The following FMO4 variants were observed in gnomAD, a reference collection of about 807,000 sequenced individuals.
FMO4 encodes dimethylaniline monooxygenase [N-oxide-forming] 4.
FMO4 carries 38 observed loss-of-function variants against 43.3 expected under a neutral mutation model. The observed-to-expected ratio is 0.88, with a 90% CI of 0.68 to 1.15. FMO4 has a LOEUF of 1.15. FMO4 is among the 50% of genes most tolerant of loss of function. FMO4 has a pLI of 0.00. For synonymous variants in FMO4, 224 were observed against 232.2 expected (o/e 0.96, Z 0.32); for missense variants, 631 against 663.3 (o/e 0.95, Z 0.54).
intron 2 of FMO4, among the ~76,000 whole-genome samples, chr1:171,317,099 T>C (rs193261581): frequency 1.6e-3 from 237 of 152,340 alleles, no homozygotes; most frequent in African/African-American, 5.6e-3. Flanking sequence ...GTTCACATCT[T>C]GGTTTCAGAT....
In FMO4 at chr1:171,341,925, C is replaced by A. The variant is rs1663394652; in HGVS notation, c.*86C>A. ...ATCCCTCCTCTGCTCTCCATCATAACTGCTATTAGCCAAATTCAGGCCCAG... is the reference window on the plus strand; with the variant it reads ...ATCCCTCCTCTGCTCTCCATCATAAATGCTATTAGCCAAATTCAGGCCCAG... On this transcript the variant is annotated 3_prime_UTR_variant, in exon 10 of 10. Coordinates refer to ENST00000367749, the MANE Select transcript of FMO4 (RefSeq NM_002022.3). 2.9e-6 allele frequency: 3 copies of A among 1,045,550 alleles called. No individual in the cohort carries two copies. Among genetic ancestry groups the A allele is most frequent in the Non-Finnish European group, 4.2e-6 (3 of 722,656 alleles). 64.8% of individuals were successfully genotyped at this position (1,045,550 alleles called of 1,614,324 possible). A position where few individuals can be genotyped will look rare whatever the true frequency, so the allele number is the denominator to read the frequency against.
At chr1:171,325,306 T>G (rs1479993715) in intron 5 of FMO4, among the ~76,000 whole-genome samples, 1 of 152,188 alleles carries the variant, frequency 6.6e-6, no homozygotes, top group Non-Finnish European at 1.5e-5. Flanking sequence ...CTATTCAAAT[T>G]CAGTTGAGGG....
At chr1:171,339,204 G>T (rs192698967) in intron 9 of FMO4, among the ~76,000 whole-genome samples, 1 of 152,218 alleles carries the variant, frequency 6.6e-6, no homozygotes, top group Admixed American at 6.5e-5. Context: ...ATGCTTTCTG[G>T]TCATGTTCAT....
Position 171,341,908 on chromosome 1 carries a change from T to A in FMO4, c.*69T>A. On this transcript the variant is annotated 3_prime_UTR_variant, in exon 10 of 10. Coordinates refer to ENST00000367749, the MANE Select transcript of FMO4 (RefSeq NM_002022.3). ...CTCCAAGTATCTTGTGCATCCCTCC[T>A]CTGCTCTCCATCATAACTGCTATTA... 1 of 1,282,892 alleles carries A rather than the reference T, an allele frequency of 7.8e-7. No homozygotes were observed. 79.5% of individuals were successfully genotyped at this position (1,282,892 alleles called of 1,614,324 possible).
intron 5 of FMO4, among the ~76,000 whole-genome samples, chr1:171,330,647 C>T (rs1266898054): frequency 2.0e-5 from 3 of 152,154 alleles, no homozygotes; most frequent in Non-Finnish European, 2.9e-5. Flanking sequence ...ATCAGGAGAA[C>T]AGCATGGGAA....
intron 1 of FMO4, among the ~76,000 whole-genome samples, chr1:171,315,776 A>G (rs1310552287): frequency 6.6e-6 from 1 of 152,198 alleles, no homozygotes; most frequent in East Asian, 1.9e-4. Context: ...AGAGTCTCTA[A>G]GTCAGTCCTT....
chr1:171,323,242 C>T (rs1041686147), intron 4 of FMO4, 50 bp downstream of exon 4: 11 of 1,205,558 alleles, frequency 9.1e-6, no homozygotes, highest in African/African-American at 1.5e-5. Flanking sequence ...CTGGCCTATT[C>T]AGCAATCTAA....
rs1558040789 is a variant in FMO4 at position 171,331,781 on chromosome 1, A to G, written c.626A>G (p.Gln209Arg). 12 of 1,613,026 alleles carry G rather than the reference A, an allele frequency of 7.4e-6. No individual in the cohort carries two copies. The highest frequency in any genetic ancestry group is 1.0e-5 in the Non-Finnish European group (12 of 1,179,106). Reference protein sequence around the residue: ...IAVELSRTAAQVLLSTRTGTW... With the variant: ...IAVELSRTAARVLLSTRTGTW... ...GTGGAACTCAGTCGAACGGCAGCTC[A>G]GGTACATCATCTCTGAATTAATGCC... The change falls in exon 6 of 10, where the codon CAG (glutamine) becomes CGG (arginine). Residue 209 changes from glutamine (Q) to arginine (R), a missense_variant and splice_region_variant. Physicochemically the swap from Gln to Arg is conservative, Grantham distance 43. Transcript: ENST00000367749.
rs1284055613 is a variant in FMO4, at chr1:171,341,714, T to C, written c.1552T>C (p.Trp518Arg). Residue 518 changes from tryptophan (W) to arginine (R), a missense_variant, in exon 10 of 10, where the codon TGG becomes CGG. By Grantham distance (101) the Trp-to-Arg change is moderately radical. Transcript: ENST00000367749. The part of the protein sequence containing the change: ...PASMSHYLKA[W>R]GAPVLLASLL... ...CTCCATGTCACATTATTTAAAAGCC[T>C]GGGGGGCACCTGTCCTACTTGCCTC... is the stretch of plus-strand genomic sequence containing the variant. 1 of 1,613,874 alleles carries C rather than the reference T, an allele frequency of 6.2e-7. No homozygotes were observed. The highest frequency in any genetic ancestry group is 8.5e-7 in the Non-Finnish European group (1 of 1,179,930).
rs776381577 is a variant in FMO4 at position 171,341,831 on chromosome 1, C to T, written c.1669C>T (p.Arg557Ter). ...RMSPYLVSLW[R>*]G ...GTCCCCTTACCTAGTAAGTCTTTGG[C>T]GAGGATGAACCTGATTGTTACAAGG... Residue 557 changes from arginine to a stop codon, truncating the protein, a stop_gained, in exon 10 of 10, where the codon CGA (arginine) becomes TGA (stop). Transcript: ENST00000367749. LOFTEE classifies it high-confidence loss of function. 2.9e-5 allele frequency: 46 copies of T among 1,609,380 alleles called. No individual in the cohort carries two copies. The highest frequency in any genetic ancestry group is 2.5e-4 in the East Asian group (11 of 44,828).
At chr1:171,327,976 G>T (rs1411015832) in intron 5 of FMO4, among the ~76,000 whole-genome samples, 1 of 152,034 alleles carries the variant, frequency 6.6e-6, no homozygotes, top group Non-Finnish European at 1.5e-5. Flanking sequence ...GCATAGCAAG[G>T]GCTAAATAAT....
chr1:171,330,864 G>A (rs1170480441), intron 5 of FMO4, among the ~76,000 whole-genome samples: 1 of 152,162 alleles, frequency 6.6e-6, no homozygotes, highest in African/African-American at 2.4e-5. Flanking sequence ...TTATAGCTGT[G>A]CTTCTATGGA....
intron 1 of FMO4, among the ~76,000 whole-genome samples, chr1:171,315,799 C>T (rs1356504849): frequency 6.6e-6 from 1 of 152,102 alleles, no homozygotes; most frequent in East Asian, 1.9e-4. Context: ...AGTGCTTTTG[C>T]CCAGCACGTT....
chr1:171,326,462 A>G (rs1012456384), intron 5 of FMO4, among the ~76,000 whole-genome samples: 1 of 152,238 alleles, frequency 6.6e-6, no homozygotes, highest in Non-Finnish European at 1.5e-5. Flanking sequence ...TTAAAGAGTT[A>G]CCTTGAGGAT....
intron 5 of FMO4, among the ~76,000 whole-genome samples, chr1:171,327,896 G>C (rs946925248): frequency 1.3e-5 from 2 of 152,138 alleles, no homozygotes; most frequent in Non-Finnish European, 2.9e-5. Context: ...CTGGGTAACA[G>C]AGCTAAATTC....
rs777252508 is a variant in FMO4 at position 171,332,824 on chromosome 1, C to T, written c.743C>T (p.Pro248Leu). ...TGTAGTTTTATTGCACAAGTTCTGC[C>T]TTCACGTTTTCTAAACTGGATTCAA... The part of the protein sequence containing the change: ...RCCSFIAQVL[P>L]SRFLNWIQER... The change falls in exon 7 of 10, where the codon CCT becomes CTT. Residue 248 changes from proline (P) to leucine (L), a missense_variant. Transcript: ENST00000367749. The T allele has an allele frequency of 6.2e-7, 1 of 1,613,160 alleles. No individual in the cohort carries two copies. The highest frequency in any genetic ancestry group is 1.1e-5 in the South Asian group (1 of 91,072).
chr1:171,326,197 A>T (rs1662661111), intron 5 of FMO4, among the ~76,000 whole-genome samples: 1 of 151,918 alleles, frequency 6.6e-6, no homozygotes, highest in African/African-American at 2.4e-5. Flanking sequence ...TAGCTGTAGG[A>T]CCCCTGTTGA....
intron 9 of FMO4, among the ~76,000 whole-genome samples, chr1:171,338,744 C>T (rs1304906729): frequency 6.6e-6 from 1 of 152,152 alleles, no homozygotes; most frequent in Non-Finnish European, 1.5e-5. Flanking sequence ...TCTCAGAGTG[C>T]CCATTATTAC....
At chr1:171,333,025 A>G (rs955966147) in intron 7 of FMO4, 117 bp downstream of exon 7, 1 of 647,888 alleles carries the variant, frequency 1.5e-6, no homozygotes, top group African/African-American at 1.8e-5. Flanking sequence ...TCTACTCTAA[A>G]TCCATTTCCC....
Sources: allele counts gnomAD v4.1 joint callset (sites outside exome capture counted in the v4.1 genomes callset), GRCh38; gene constraint gnomAD v4.1.1; transcripts MANE v1.5; gene names NCBI Gene and HGNC (gene_info 2026-07-23, HGNC 2026-07-21).